Variants in MTRR observed in about 807,000 individuals in gnomAD.
MTRR encodes 5-methyltetrahydrofolate-homocysteine methyltransferase reductase.
Under a neutral mutation model 79.2 loss-of-function variants are expected in MTRR, and 63 were observed. The observed-to-expected ratio is 0.80, with a 90% CI of 0.65 to 0.98. The LOEUF (loss-of-function observed/expected upper bound fraction) is 0.98. Ranked by LOEUF, MTRR falls within the 50% of genes least tolerant of loss-of-function variation. The pLI, the probability that MTRR is intolerant of heterozygous loss-of-function variation, is 0.00. For synonymous variants in MTRR, 355 were observed against 313.3 expected (o/e 1.13, Z -1.41); for missense variants, 895 against 839.6 (o/e 1.07, Z -0.82).
At chr5:7,876,771 T>C (rs1411651114) in intron 4 of MTRR, among the ~76,000 whole-genome samples, 1 of 152,220 alleles carries the variant, frequency 6.6e-6, no homozygotes, top group East Asian at 1.9e-4. Context: ...CAGTAATCTA[T>C]TTACTGTGTA....
At chr5:7,867,732 A>G (rs773378598), upstream of MTRR, 9 of 1,614,036 alleles carry the variant, frequency 5.6e-6, no homozygotes, top group East Asian at 1.8e-4. Context: ...GTGCTTATAA[A>G]ACTTAGCACT....
At position 7,885,769 on chromosome 5, in the gene MTRR, A is replaced by T. The variant is rs1736319528; in HGVS notation, c.972A>T (p.Val324=). ...TCTGCCCTAACAGTGATTCTGAGGT[A>T]CAAAGCCTACTCCAAAGACTGCAGC... ...SVICPNSDSE[V]QSLLQRLQLE... Residue 324 remains valine (V), a synonymous_variant, in exon 7 of 15, where the codon GTA becomes GTT. Transcript: ENST00000440940. 6.2e-7 allele frequency: 1 copy of T among 1,613,962 alleles called. No homozygotes were observed. The highest frequency in any genetic ancestry group is 8.5e-7 in the Non-Finnish European group (1 of 1,180,012).
intron 1 of MTRR, chr5:7,870,277 C>T (rs191127369): frequency 1.7e-4 from 34 of 195,450 alleles, no homozygotes; most frequent in African/African-American, 7.3e-4. Context: ...CAAATAAGAA[C>T]CAAGAATCCT....
At chr5:7,854,368 T>A (rs1018271204) in intron 1 of MTRR, among the ~76,000 whole-genome samples, 28 of 150,606 alleles carry the variant, frequency 1.9e-4, no homozygotes, top group East Asian at 1.7e-3. Flanking sequence ...TTATATATAT[T>A]TTTTTATATG....
chr5:7,896,853 T>C lies in MTRR; in HGVS notation c.1677-11T>C, dbSNP rs561310591. 7.4e-6 allele frequency: 12 copies of C among 1,613,282 alleles called. No homozygotes were observed. The East Asian group carries it at 2.5e-4, about 33-fold the overall frequency. ...ATATCACACACCTAAACTTTTTTTT[T>C]TTCCACTTAGAGAGAAACTCCAAGA... is the stretch of plus-strand genomic sequence containing the variant. On this transcript the variant is annotated splice_polypyrimidine_tract_variant and intron_variant, in intron 12 of 14. Coordinates refer to ENST00000440940, the MANE Select transcript of MTRR (RefSeq NM_002454.3).
At chr5:7,873,309 CTGCT>C in intron 2 of MTRR, 60 bp from the exon 3 acceptor site, 1 of 1,592,674 alleles carries the variant, frequency 6.3e-7, no homozygotes, top group African/African-American at 1.3e-5. Context: ...GATTGCTTTG[CTGCT>C]GAGTTAAATC....
chr5:7,878,189 A>G lies in MTRR; in HGVS notation c.647A>G (p.Gln216Arg). The G allele has an allele frequency of 6.2e-7, 1 of 1,614,216 alleles. No individual in the cohort carries two copies. The highest frequency in any genetic ancestry group is 1.1e-5 in the South Asian group (1 of 91,084). Reference sequence around the variant, plus strand: ...AAGCAAAATGCAGTGAACAGCAACCAATCCAATGTTGTAATTGAAGACTTT... The same window carrying G: ...AAGCAAAATGCAGTGAACAGCAACCGATCCAATGTTGTAATTGAAGACTTT... ...VLKQNAVNSNQSNVVIEDFES... is the reference protein window; with the variant it reads ...VLKQNAVNSNRSNVVIEDFES... Residue 216 changes from glutamine (Q) to arginine (R), a missense_variant, in exon 5 of 15, where the codon CAA becomes CGA. Physicochemically the swap from Gln to Arg is conservative, Grantham distance 43. Transcript: ENST00000440940.
intron 2 of MTRR, among the ~76,000 whole-genome samples, chr5:7,871,615 T>C (rs533189508): frequency 6.6e-6 from 1 of 152,234 alleles, no homozygotes; most frequent in African/African-American, 2.4e-5. Flanking sequence ...TTTCAGAGAC[T>C]GTCCTGCCAG....
intron 1 of MTRR, among the ~76,000 whole-genome samples, chr5:7,859,804 A>C (rs1746401278): frequency 6.6e-6 from 1 of 152,250 alleles, no homozygotes; most frequent in South Asian, 2.1e-4. Context: ...GTTCTCCAGG[A>C]GTTCACAACT....
intron 7 of MTRR, among the ~76,000 whole-genome samples, chr5:7,886,163 A>G (rs953576120): frequency 1.3e-5 from 2 of 152,094 alleles, no homozygotes; most frequent in Non-Finnish European, 2.9e-5. Context: ...TTCTTTTCCT[A>G]TTATGTTTAC....
At chr5:7,879,636 G>T (rs1305724049) in intron 5 of MTRR, among the ~76,000 whole-genome samples, 1 of 152,104 alleles carries the variant, frequency 6.6e-6, no homozygotes, top group East Asian at 1.9e-4. Flanking sequence ...GGGAAAAAAA[G>T]AATGTTTTGT....
At chr5:7,858,410 C>T (rs35228894) in intron 1 of MTRR, among the ~76,000 whole-genome samples, 1,734 of 150,046 alleles carry the variant, frequency 0.012, 20 homozygotes, top group Middle Eastern at 0.024. Flanking sequence ...GCTGGGTACC[C>T]GGATACATCA....
chr5:7,871,734 A>G (rs1748036710), intron 2 of MTRR, among the ~76,000 whole-genome samples: 2 of 152,170 alleles, frequency 1.3e-5, no homozygotes, highest in Non-Finnish European at 2.9e-5. Flanking sequence ...TCACGGAAGG[A>G]GACTCACCTA....
upstream of MTRR, chr5:7,851,038 G>A: frequency 1.6e-6 from 2 of 1,239,690 alleles, no homozygotes; most frequent in Non-Finnish European, 2.0e-6. Flanking sequence ...ACCGTCCAGC[G>A]CCCCCGCCTT....
chr5:7,863,593 AT>A (rs1421877741), intron 2 of MTRR, among the ~76,000 whole-genome samples: 2 of 152,348 alleles, frequency 1.3e-5, no homozygotes, highest in Non-Finnish European at 2.9e-5. Context: ...GGTCCTGAGC[AT>A]TTTGGATAAG....
chr5:7,885,966 T>A, intron 7 of MTRR, 112 bp downstream of exon 7: 2 of 1,413,126 alleles, frequency 1.4e-6, no homozygotes, highest in Non-Finnish European at 1.0e-6. Context: ...CACAGATGCC[T>A]GGGGCTCAGC....
At chr5:7,896,738 A>T (rs1206191162) in intron 12 of MTRR, 126 bp from the exon 13 acceptor site, 2 of 785,396 alleles carry the variant, frequency 2.5e-6, no homozygotes, top group African/African-American at 3.5e-5. Flanking sequence ...TAAATGACTG[A>T]ATGTTCAAAT....
chr5:7,883,180 C>G lies in MTRR; in HGVS notation c.806C>G (p.Ser269Ter). ...GAGGAAAGCCAAGTATCTGTGACTT[C>G]AGCAGATCCAGTTTTTCAAGTGCCA... is the stretch of plus-strand genomic sequence containing the variant. ...GQEESQVSVTSADPVFQVPIS... is the reference protein window; with the variant it reads ...GQEESQVSVT Residue 269 changes from serine to a stop codon, truncating the protein, a stop_gained, in exon 6 of 15, where the codon TCA becomes TGA. Coordinates refer to ENST00000440940, the MANE Select transcript of MTRR (RefSeq NM_002454.3). LOFTEE classifies it high-confidence loss of function. 1 of 1,614,220 alleles carries G rather than the reference C, an allele frequency of 6.2e-7. No homozygotes were observed. The highest frequency in any genetic ancestry group is 8.5e-7 in the Non-Finnish European group (1 of 1,180,028).
intron 9 of MTRR, among the ~76,000 whole-genome samples, chr5:7,889,536 G>A (rs971645720): frequency 1.3e-5 from 2 of 151,990 alleles, no homozygotes; most frequent in Non-Finnish European, 2.9e-5. Flanking sequence ...CCTTCCAGCA[G>A]TGTCACTATC....
Sources: gnomAD v4.1 joint callset for allele counts (sites outside exome capture counted in the v4.1 genomes callset) on GRCh38, gnomAD v4.1.1 for gene constraint, MANE v1.5 for transcripts, NCBI Gene and HGNC (gene_info 2026-07-23, HGNC 2026-07-21) for gene names.